Variants in RNF6 observed in about 807,000 individuals in gnomAD.
RNF6 encodes ring finger protein 6, also known as E3 ubiquitin-protein ligase RNF6.
Under a neutral mutation model 50.1 loss-of-function variants are expected in RNF6, and 21 were observed. That is an observed-to-expected ratio of 0.42 (90% CI 0.30 to 0.60). The LOEUF (loss-of-function observed/expected upper bound fraction) is 0.60, where lower values mean the gene tolerates loss of function less well. Ranked by LOEUF, RNF6 falls within the 20% of genes least tolerant of loss-of-function variation. The probability of loss-of-function intolerance (pLI) is 0.20; values close to 1 mark genes in which losing one functional copy is unlikely to be tolerated. For synonymous variants in RNF6, 255 were observed against 291.8 expected, an observed-to-expected ratio of 0.87 and a Z score of 1.29; for missense variants, 698 against 838.2, an observed-to-expected ratio of 0.83 and a Z score of 2.07.
chr13:26,204,085 C>T (rs952613307), intron 5 of RNF6, among the ~76,000 whole-genome samples: 7 of 152,148 alleles, frequency 4.6e-5, no homozygotes, highest in Non-Finnish European at 5.9e-5. Flanking sequence ...CACCTACTCC[C>T]GCTCCCTCCG....
intron 5 of RNF6, among the ~76,000 whole-genome samples, chr13:26,150,234 G>A (rs1402740562): frequency 1.4e-4 from 22 of 151,930 alleles, no homozygotes; most frequent in Non-Finnish European, 8.8e-5. Flanking sequence ...TAAAGCTTCT[G>A]ATCAAGTTTT....
chr13:26,158,075 A>G (rs903521307), intron 5 of RNF6, among the ~76,000 whole-genome samples: 3 of 152,162 alleles, frequency 2.0e-5, no homozygotes, highest in Non-Finnish European at 1.5e-5. Flanking sequence ...TAGATGAAAC[A>G]TGAATGGATA....
At chr13:26,166,861 AG>A (rs769821382) in intron 5 of RNF6, among the ~76,000 whole-genome samples, 6 of 152,204 alleles carry the variant, frequency 3.9e-5, no homozygotes, top group Non-Finnish European at 8.8e-5. Context: ...CAGAGGTTGC[AG>A]TGAGCTGAGA....
chr13:26,203,529 T>A (rs527729477), intron 5 of RNF6, among the ~76,000 whole-genome samples: 1 of 152,346 alleles, frequency 6.6e-6, no homozygotes, highest in East Asian at 1.9e-4. Context: ...GTCACACCTT[T>A]GGGTGTGACA....
intron 2 of RNF6, 124 bp from the exon 3 acceptor site, chr13:26,219,791 CA>C (rs893720990): frequency 1.3e-6 from 1 of 784,194 alleles, no homozygotes; most frequent in Non-Finnish European, 2.0e-6. Context: ...CTGTATTTGC[CA>C]AATCTTGCAG....
chr13:26,176,890 C>G (rs753366277), intron 5 of RNF6, among the ~76,000 whole-genome samples: 8 of 152,120 alleles, frequency 5.3e-5, no homozygotes, highest in African/African-American at 1.9e-4. Context: ...GCCGAGGTGG[C>G]GCGATTGCAC....
Position 26,213,734 on chromosome 13 carries a change from T to C in RNF6, c.*90A>G, listed in dbSNP as rs1869491694. On this transcript the variant is annotated 3_prime_UTR_variant, in exon 5 of 5. Transcript: ENST00000381588. ...ACTATATATAATCTGTTATTTTTCA[T>C]CCTGGTTAGCTAATCACAAATAACT... The C allele has an allele frequency of 9.4e-7, 1 of 1,062,140 alleles. No homozygotes were observed. Among genetic ancestry groups the C allele is most frequent in the Non-Finnish European group, 1.3e-6 (1 of 742,754 alleles). 65.8% of individuals were successfully genotyped at this position (1,062,140 alleles called of 1,614,324 possible).
Position 26,215,538 on chromosome 13 carries a change from T to C in RNF6, c.344A>G (p.Asn115Ser). 6.2e-7 allele frequency: 1 copy of C among 1,612,418 alleles called. No homozygotes were observed. Among genetic ancestry groups the C allele is most frequent in the South Asian group, 1.1e-5 (1 of 91,078 alleles). The change falls in exon 5 of 5, where the codon AAC becomes AGC. Residue 115 changes from asparagine to serine, a missense_variant. Asn to Ser is a conservative substitution (Grantham distance 46). Coordinates refer to ENST00000381588, the MANE Select transcript of RNF6 (RefSeq NM_005977.4). ...TGCATTTCCTGTGCGCCGAAAGGTGTTCAACCATTCTAGAAGAGAATCTTC... is the reference window on the plus strand; with the variant it reads ...TGCATTTCCTGTGCGCCGAAAGGTGCTCAACCATTCTAGAAGAGAATCTTC... ...SHEDSLLEWL[N>S]TFRRTGNATR...
chr13:26,210,393 A>C (rs1869275135), downstream of RNF6, among the ~76,000 whole-genome samples: 1 of 152,220 alleles, frequency 6.6e-6, no homozygotes, highest in African/African-American at 2.4e-5. Context: ...TATACATGAA[A>C]ATGCCTCAGA....
At chr13:26,197,596 C>T (rs911065917) in intron 5 of RNF6, among the ~76,000 whole-genome samples, 17 of 151,886 alleles carry the variant, frequency 1.1e-4, no homozygotes, top group Non-Finnish European at 2.5e-4. Flanking sequence ...TCCCTCCCTA[C>T]TCCTTCTCAT....
rs539577278 is a variant in RNF6 at position 26,213,772 on chromosome 13, G to A, written c.*52C>T. On this transcript the variant is annotated 3_prime_UTR_variant, in exon 5 of 5. Coordinates refer to ENST00000381588, the MANE Select transcript of RNF6 (RefSeq NM_005977.4). ...ATCACAAATAACTCAGCAAAACAAT[G>A]CTTGAACATTCAGTTCTACTAAAAA... 40 of 1,422,188 alleles carry A rather than the reference G, an allele frequency of 2.8e-5. 1 individual carries two copies. In the South Asian group the frequency reaches 3.0e-4, roughly 11 times the overall value. 88.1% of individuals were successfully genotyped at this position (1,422,188 alleles called of 1,614,324 possible).
intron 5 of RNF6, among the ~76,000 whole-genome samples, chr13:26,159,738 A>G (rs1282184371): frequency 3.3e-5 from 5 of 152,204 alleles, no homozygotes; most frequent in Non-Finnish European, 7.3e-5. Context: ...TTTGAAGAGA[A>G]TAAATTAAAA....
At chr13:26,220,334 A>G (rs532770996) in intron 2 of RNF6, among the ~76,000 whole-genome samples, 32 of 152,306 alleles carry the variant, frequency 2.1e-4, no homozygotes, top group African/African-American at 7.5e-4. Flanking sequence ...GTATCACCCC[A>G]TATCAAGCCT....
At chr13:26,203,733 G>A (rs959173311) in intron 5 of RNF6, among the ~76,000 whole-genome samples, 1 of 152,180 alleles carries the variant, frequency 6.6e-6, no homozygotes, top group East Asian at 1.9e-4. Context: ...AGGCCCAGGC[G>A]GGCAGATCAC....
At chr13:26,138,026 T>C (rs2137547857) in intron 5 of RNF6, among the ~76,000 whole-genome samples, 1 of 152,290 alleles carries the variant, frequency 6.6e-6, no homozygotes, top group East Asian at 1.9e-4. Flanking sequence ...CCAAGTGGTA[T>C]ATACTCAAAG....
Position 26,198,717 on chromosome 13 carries a change from T to C in RNF6, n.768+16757A>G, listed in dbSNP as rs577214582. Among the ~76,000 whole-genome samples, 7 of 152,142 alleles carry C rather than the reference T, an allele frequency of 4.6e-5. No homozygotes were observed. In the South Asian group the frequency reaches 1.4e-3, roughly 31 times the overall value. On this transcript the variant is annotated intron_variant and non_coding_transcript_variant, in intron 5 of 5. Transcript: ENST00000468480. ...AAGCAAAAGTATCTTGATTTGCATA[T>C]AGCATTCAGTACATAGAATATAATA...
chr13:26,145,822 C>A (rs1285001879), intron 5 of RNF6, among the ~76,000 whole-genome samples: 16 of 152,186 alleles, frequency 1.1e-4, no homozygotes, highest in Admixed American at 1.0e-3. Flanking sequence ...AATGGCAGTT[C>A]TAGTGGCTTC....
intron 5 of RNF6, among the ~76,000 whole-genome samples, chr13:26,141,307 A>T (rs1319774283): frequency 6.6e-6 from 1 of 151,966 alleles, no homozygotes; most frequent in Non-Finnish European, 1.5e-5. Flanking sequence ...GCATATCTTT[A>T]ATCCTAGCTA....
rs546769371 is a variant in RNF6 at position 26,221,319 on chromosome 13, A to G, written c.-90T>C. 2 of 152,274 alleles carry G rather than the reference A, an allele frequency of 1.3e-5. No individual in the cohort carries two copies. The highest frequency in any genetic ancestry group is 4.8e-5 in the African/African-American group (2 of 41,552). 9.4% of individuals were successfully genotyped at this position (152,274 alleles called of 1,614,324 possible). A position where few individuals can be genotyped will look rare whatever the true frequency, so the allele number is the denominator to read the frequency against. The stretch of plus-strand genomic sequence containing the variant: ...CCTTCAATTGTTTGTGCCTTTTTTG[A>G]GAGCTGCCCATCTGAAGCAATAAAA... On this transcript the variant is annotated 5_prime_UTR_variant, in exon 2 of 5. Transcript: ENST00000381588.
Sources: gnomAD v4.1 joint callset for allele counts (sites outside exome capture counted in the v4.1 genomes callset) on GRCh38, gnomAD v4.1.1 for gene constraint, MANE v1.5 for transcripts, NCBI Gene and HGNC (gene_info 2026-07-23, HGNC 2026-07-21) for gene names.